Variants in PPP6R1 observed in about 807,000 individuals in gnomAD.
The protein encoded by PPP6R1 is serine/threonine-protein phosphatase 6 regulatory subunit 1.
Under a neutral mutation model 104.6 loss-of-function variants are expected in PPP6R1, and 39 were observed. The observed-to-expected ratio is 0.37, with a 90% CI of 0.29 to 0.49. PPP6R1 has a LOEUF of 0.49. Among genes scored for constraint, PPP6R1 ranks in the 20% least tolerant of loss-of-function variants. The probability of loss-of-function intolerance (pLI) is 0.98; values close to 1 mark genes in which losing one functional copy is unlikely to be tolerated. For synonymous variants in PPP6R1, 549 were observed against 479.0 expected (o/e 1.15, Z -1.91); for missense variants, 1,181 against 1,155.8 (o/e 1.02, Z -0.32).
Position 55,230,245 on chromosome 19 carries a change from C to T in PPP6R1, c.*283G>A, listed in dbSNP as rs1458492393. On this transcript the variant is annotated 3_prime_UTR_variant, in exon 24 of 24. Transcript: ENST00000412770. ...CACTCTCTCTCGCTCTCCTCCCTCT[C>T]TCTATATAATATATAATATATGTTT... The T allele has an allele frequency of 4.2e-6, 2 of 481,398 alleles. No homozygotes were observed. Among genetic ancestry groups the T allele is most frequent in the African/African-American group, 3.9e-5 (2 of 51,516 alleles). The allele number at this position is 481,398 out of a possible 1,614,324, so 29.8% of individuals were successfully genotyped here.
At chr19:55,255,836 C>G (rs529407082) in intron 1 of PPP6R1, 279 of 152,736 alleles carry the variant, frequency 1.8e-3, no homozygotes, top group Non-Finnish European at 1.4e-3. Context: ...GCCTCCCCCC[C>G]GCATCTGTGT....
In PPP6R1 at chr19:55,240,104, C is replaced by G. The variant is rs1250829559; in HGVS notation, c.1372G>C (p.Gly458Arg). 5.0e-6 allele frequency: 8 copies of G among 1,584,592 alleles called. No homozygotes were observed. The highest frequency in any genetic ancestry group is 5.1e-6 in the Non-Finnish European group (6 of 1,166,210). Reference sequence around the variant, plus strand: ...TGACCCATGTAGCCTTTCCGAGGGCCTCCCGCACACCTGGCAAGAGTGAAG... The same window carrying G: ...TGACCCATGTAGCCTTTCCGAGGGCGTCCCGCACACCTGGCAAGAGTGAAG... The part of the protein sequence containing the change: ...EENDRVQCAG[G>R]PRKGYMGHLT... Residue 458 changes from glycine (G) to arginine (R), a missense_variant, in exon 12 of 24, where the codon GGC becomes CGC. Gly to Arg is a moderately radical substitution (Grantham distance 125). This residue lies in a region of PPP6R1 where 1,042 missense variants were observed against 955.6 expected (regional missense o/e 1.09). Transcript: ENST00000412770.
chr19:55,248,232 C>T (rs537665847), intron 1 of PPP6R1, among the ~76,000 whole-genome samples: 2 of 152,320 alleles, frequency 1.3e-5, no homozygotes, highest in South Asian at 2.1e-4. Context: ...GTGCTGTGCA[C>T]ATGATGTCCA....
chr19:55,240,186 C>A (rs1447693783), intron 11 of PPP6R1, 50 bp downstream of exon 11: 5 of 1,564,282 alleles, frequency 3.2e-6, no homozygotes, highest in East Asian at 2.4e-5. Flanking sequence ...CCCGGCCCCC[C>A]ATCCAGGCAG....
At chr19:55,244,215 G>A (rs2087485662) in intron 5 of PPP6R1, among the ~76,000 whole-genome samples, 1 of 152,230 alleles carries the variant, frequency 6.6e-6, no homozygotes, top group Admixed American at 6.5e-5. Flanking sequence ...AGCCATCTCT[G>A]CTCTGTAAGC....
chr19:55,249,673 T>A (rs1485020556), intron 1 of PPP6R1, among the ~76,000 whole-genome samples: 3 of 151,996 alleles, frequency 2.0e-5, no homozygotes, highest in Admixed American at 2.0e-4. Context: ...AAACCCCGTG[T>A]CTACTAAAAA....
In PPP6R1 at chr19:55,230,629, C is replaced by G. The variant is rs376123967; in HGVS notation, c.2626G>C (p.Ala876Pro). The G allele has an allele frequency of 6.2e-7, 1 of 1,611,426 alleles. No individual in the cohort carries two copies. Among genetic ancestry groups the G allele is most frequent in the Non-Finnish European group, 8.5e-7 (1 of 1,178,744 alleles). The change falls in exon 23 of 24, where the codon GCA becomes CCA. Residue 876 changes from alanine (A) to proline (P), a missense_variant. By Grantham distance (27) the Ala-to-Pro change is conservative. This residue lies in a region of PPP6R1 where 1,042 missense variants were observed against 955.6 expected (regional missense o/e 1.09). Transcript: ENST00000412770. ...IPNGSAPEGPASPGSQ is the reference protein window; with the variant it reads ...IPNGSAPEGPPSPGSQ ...CACACTCACTGGGAGCCTGGGGATGCAGGCCCTTCCGGGGCAGAGCCATTG... is the reference window on the plus strand; with the variant it reads ...CACACTCACTGGGAGCCTGGGGATGGAGGCCCTTCCGGGGCAGAGCCATTG...
In PPP6R1 at chr19:55,241,160, C is replaced by A; in HGVS notation, c.1161+79G>T. 2.0e-6 allele frequency: 3 copies of A among 1,496,700 alleles called. No individual in the cohort carries two copies. Among genetic ancestry groups the A allele is most frequent in the Admixed American group, 2.0e-5 (1 of 49,084 alleles). 92.7% of individuals were successfully genotyped at this position (1,496,700 alleles called of 1,614,324 possible). A position where few individuals can be genotyped will look rare whatever the true frequency, so the allele number is the denominator to read the frequency against. ...ACCCCTGAGCCCCCAGCCGAGCCCC[C>A]ACCCCAGCCCCCGAACCCTCAGCCC... On this transcript the variant is annotated intron_variant, in intron 9 of 23. Coordinates refer to ENST00000412770, the MANE Select transcript of PPP6R1 (RefSeq NM_014931.4). The surrounding 1 kb of genome is among the most constrained non-coding windows in gnomAD (Gnocchi z 5.4).
rs1270368987 is a variant in PPP6R1, at chr19:55,242,112, C to T, written c.845+54G>A. 64 of 1,525,772 alleles carry T rather than the reference C, an allele frequency of 4.2e-5. No homozygotes were observed. The Middle Eastern group carries it at 5.1e-4, about 12-fold the overall frequency. 94.5% of individuals were successfully genotyped at this position (1,525,772 alleles called of 1,614,324 possible). On this transcript the variant is annotated intron_variant, in intron 7 of 23. Transcript: ENST00000412770. ...ACACCGAGACCCGCCTCTGAGGGGC[C>T]GGAGAGCCCCTGGGGATGGGCAGCA...
intron 1 of PPP6R1, among the ~76,000 whole-genome samples, chr19:55,247,890 T>C (rs916181329): frequency 4.6e-5 from 7 of 152,142 alleles, no homozygotes; most frequent in South Asian, 4.1e-4. Flanking sequence ...CAGGGTGGGA[T>C]AGACAGATTC....
intron 17 of PPP6R1, among the ~76,000 whole-genome samples, chr19:55,235,721 T>C (rs1016724627): frequency 2.0e-5 from 3 of 151,854 alleles, no homozygotes; most frequent in African/African-American, 4.8e-5. Flanking sequence ...GGTTTCACCA[T>C]GTTAGCCAGG....
intron 17 of PPP6R1, 114 bp downstream of exon 17, chr19:55,236,529 G>T: frequency 8.4e-7 from 1 of 1,196,010 alleles, no homozygotes; most frequent in Non-Finnish European, 1.1e-6. Flanking sequence ...ACACACCAAT[G>T]CAGGTTCCTT....
chr19:55,235,550 G>C (rs559353884), intron 17 of PPP6R1, among the ~76,000 whole-genome samples: 3 of 146,524 alleles, frequency 2.0e-5, no homozygotes, highest in Non-Finnish European at 4.5e-5. Flanking sequence ...ACAGAGTCTC[G>C]CTCTGTCGCC....
rs898820969 is a variant in PPP6R1, at chr19:55,234,775, C to T, written c.1988+1868G>A. Reference sequence around the variant, plus strand: ...TGCCCCACTGCACGAGAGCCAGGGGCACCCAAACACACAACAGGGAAGGAG... The same window carrying T: ...TGCCCCACTGCACGAGAGCCAGGGGTACCCAAACACACAACAGGGAAGGAG... On this transcript the variant is annotated intron_variant, in intron 17 of 23. Transcript: ENST00000412770. Among the ~76,000 whole-genome samples the T allele has an allele frequency of 3.3e-5, 5 of 152,170 alleles. No homozygotes were observed. In the South Asian group the frequency reaches 6.2e-4, roughly 19 times the overall value.
In PPP6R1 at chr19:55,230,827, C is replaced by A. The variant is rs369424608; in HGVS notation, c.2517G>T (p.Gln839His). 1 of 1,573,834 alleles carries A rather than the reference C, an allele frequency of 6.4e-7. No homozygotes were observed. The highest frequency in any genetic ancestry group is 1.1e-5 in the South Asian group (1 of 89,980). ...CTGGGCTCTTCTCCCCTTCTGTGGT[C>A]TGGGGGGGCTGGTGGGCCCCGGAGG... Reference protein sequence around the residue: ...VPASGAHQPPQTTEGEKSPEP... With the variant: ...VPASGAHQPPHTTEGEKSPEP... Residue 839 changes from glutamine (Q) to histidine (H), a missense_variant, in exon 22 of 24, where the codon CAG (glutamine) becomes CAT (histidine). By Grantham distance (24) the Gln-to-His change is conservative. Transcript: ENST00000412770.
intron 1 of PPP6R1, among the ~76,000 whole-genome samples, chr19:55,250,841 G>A (rs764760310): frequency 2.6e-5 from 4 of 151,094 alleles, no homozygotes; most frequent in Non-Finnish European, 5.9e-5. Flanking sequence ...CCCCACACTC[G>A]ACCGCAGGCG....
At chr19:55,234,858 A>G (rs1009104597) in intron 17 of PPP6R1, among the ~76,000 whole-genome samples, 3 of 152,238 alleles carry the variant, frequency 2.0e-5, no homozygotes, top group East Asian at 1.9e-4. Context: ...GCTGTATGCT[A>G]TATCAAGTGA....
In PPP6R1 at chr19:55,245,082, C is replaced by G; in HGVS notation, c.618+38G>C. 3 of 1,607,918 alleles carry G rather than the reference C, an allele frequency of 1.9e-6. No individual in the cohort carries two copies. Among genetic ancestry groups the G allele is most frequent in the Non-Finnish European group, 2.5e-6 (3 of 1,177,118 alleles). On this transcript the variant is annotated intron_variant, in intron 5 of 23. Coordinates refer to ENST00000412770, the MANE Select transcript of PPP6R1 (RefSeq NM_014931.4). The surrounding 1 kb of genome is among the most constrained non-coding windows in gnomAD (Gnocchi z 6.4). Reference sequence around the variant, plus strand: ...TGGGGAAGTGGGCATGGGGAAGGAACTCTAAGGGGAATCCGCAGGGGCATC... The same window carrying G: ...TGGGGAAGTGGGCATGGGGAAGGAAGTCTAAGGGGAATCCGCAGGGGCATC...
chr19:55,251,952 T>C (rs2122721528), intron 1 of PPP6R1, among the ~76,000 whole-genome samples: 1 of 150,954 alleles, frequency 6.6e-6, no homozygotes, highest in South Asian at 2.1e-4. Flanking sequence ...ACACAGCCTC[T>C]TTCTCCGTGG....
Sources: gnomAD v4.1 joint callset for allele counts (sites outside exome capture counted in the v4.1 genomes callset) on GRCh38, gnomAD v4.1.1 for gene constraint, gnomAD v4.1.1 regional missense constraint, Gnocchi (gnomAD v3.1) non-coding constraint, MANE v1.5 for transcripts, NCBI Gene and HGNC (gene_info 2026-07-23, HGNC 2026-07-21) for gene names.